Variants in LIG1 observed in about 807,000 individuals in gnomAD.
LIG1 encodes the protein DNA ligase 1.
Under a neutral mutation model 115.7 loss-of-function variants are expected in LIG1, and 70 were observed. That is an observed-to-expected ratio of 0.60 (90% CI 0.50 to 0.74). The LOEUF (loss-of-function observed/expected upper bound fraction) is 0.74. LIG1 is among the 30% of genes least tolerant of loss of function. The probability of loss-of-function intolerance (pLI) is 0.00; values close to 1 mark genes in which losing one functional copy is unlikely to be tolerated. For missense variants in LIG1, 1,115 were observed against 1,225.6 expected (o/e 0.91, Z 1.35); for synonymous variants, 487 against 495.3 (o/e 0.98, Z 0.22).
rs2033322625 is a variant in LIG1, at chr19:48,122,074, A to G, written c.2233-752T>C. ...TGCTGGAGGGAAACCAGCCACAGAC[A>G]GACATAAGTACACAGGAAGAGCTAG... On this transcript the variant is annotated intron_variant, in intron 23 of 27. Transcript: ENST00000263274. This position sits in a 1 kb window ranked among gnomAD's most constrained non-coding sequence, Gnocchi z 4.3. 1 of 152,630 alleles carries G rather than the reference A, an allele frequency of 6.6e-6. No individual in the cohort carries two copies. The allele number at this position is 152,630 out of a possible 1,614,324, so 9.5% of individuals were successfully genotyped here.
chr19:48,117,918 A>T (rs1457007012), intron 25 of LIG1, 137 bp from the exon 26 acceptor site: 1 of 852,490 alleles, frequency 1.2e-6, no homozygotes, highest in African/African-American at 1.7e-5. Context: ...GAAGTGAAAT[A>T]AGGGAAAAGA....
intron 1 of LIG1, chr19:48,165,845 T>G: frequency 3.6e-6 from 2 of 556,320 alleles, no homozygotes; most frequent in Non-Finnish European, 3.2e-6. Flanking sequence ...AGGCCTCCTT[T>G]ACCATAAGAA....
chr19:48,123,709 C>G (rs567681522), intron 21 of LIG1: 1 of 316,614 alleles, frequency 3.2e-6, no homozygotes, highest in Non-Finnish European at 6.1e-6. Context: ...CCTCCGCCTC[C>G]TGAATTCAAG....
rs754494250 is a variant in LIG1 at position 48,123,280 on chromosome 19, C to A, written c.2043G>T (p.Leu681=). The change falls in exon 22 of 28, where the codon CTG becomes CTT. Residue 681 remains leucine (L), a synonymous_variant. Coordinates refer to ENST00000263274, the MANE Select transcript of LIG1 (RefSeq NM_000234.3). ...CTGTCTCCACAAAGTTCTCCCGGAG[C>A]AGCTGCCGGCGCCGGGAAAGGGGCT... ...VREPLSRRRQ[L]LRENFVETEG... 2.5e-6 allele frequency: 4 copies of A among 1,614,046 alleles called. No homozygotes were observed. Among genetic ancestry groups the A allele is most frequent in the South Asian group, 1.1e-5 (1 of 91,082 alleles).
intron 21 of LIG1, among the ~76,000 whole-genome samples, chr19:48,123,951 A>G (rs1476404430): frequency 6.6e-6 from 1 of 152,186 alleles, no homozygotes; most frequent in Non-Finnish European, 1.5e-5. Context: ...CTTTGAAATC[A>G]GTTCCAGCTG....
chr19:48,163,708 C>T (rs541338145), intron 2 of LIG1, among the ~76,000 whole-genome samples: 1 of 152,054 alleles, frequency 6.6e-6, no homozygotes, highest in African/African-American at 2.4e-5. Context: ...CTTTGGGAGG[C>T]CGAGGTGGGC....
At chr19:48,165,734 T>G in intron 1 of LIG1, 111 bp from the exon 2 acceptor site, 1 of 853,798 alleles carries the variant, frequency 1.2e-6, no homozygotes, top group Non-Finnish European at 1.9e-6. Context: ...AAACATGAAT[T>G]TCCCCTTCAA....
At chr19:48,142,160 G>T (rs565698025) in intron 11 of LIG1, among the ~76,000 whole-genome samples, 1 of 151,918 alleles carries the variant, frequency 6.6e-6, no homozygotes, top group Non-Finnish European at 1.5e-5. Flanking sequence ...AATTAGGGCC[G>T]GGCGCGGTGG....
chr19:48,158,752 T>G (rs9304673), intron 4 of LIG1, among the ~76,000 whole-genome samples: 23,071 of 152,164 alleles, frequency 0.15, 2,215 homozygotes, highest in African/African-American at 0.28. Flanking sequence ...ACGTGGTACC[T>G]GATCAGAGAC....
At chr19:48,140,279 C>G (rs1203649608) in intron 11 of LIG1, 136 bp from the exon 12 acceptor site, 1 of 650,878 alleles carries the variant, frequency 1.5e-6, no homozygotes, top group African/African-American at 1.8e-5. Flanking sequence ...CAGTCCCAGG[C>G]TCTGGGGCCT....
At chr19:48,131,490 G>A (rs777397937) in intron 18 of LIG1, among the ~76,000 whole-genome samples, 2 of 151,730 alleles carry the variant, frequency 1.3e-5, no homozygotes, top group African/African-American at 2.4e-5. Context: ...TTTTTGAGGC[G>A]GAGTCTCGCC....
intron 21 of LIG1, 88 bp from the exon 22 acceptor site, chr19:48,123,406 G>T: frequency 6.8e-7 from 1 of 1,474,530 alleles, no homozygotes; most frequent in Non-Finnish European, 9.3e-7. Flanking sequence ...CAGGACATGT[G>T]CGGGTCACAA....
rs1368669377 is a variant in LIG1, at chr19:48,133,048, C to T, written c.1659G>A (p.Glu553=). The T allele has an allele frequency of 1.2e-6, 2 of 1,614,160 alleles. No homozygotes were observed. The highest frequency in any genetic ancestry group is 3.3e-5 in the Admixed American group (2 of 60,020). ...CTGCCTCCTCAAAGCGTTTCAGGAC[C>T]TCGCTGATGCCCCGGGTGGGATGGG... The part of the protein sequence containing the change: ...MLAHPTRGIS[E]VLKRFEEAAF... The change falls in exon 18 of 28, where the codon GAG becomes GAA. Residue 553 remains glutamate (E), a synonymous_variant. Transcript: ENST00000263274.
chr19:48,145,436 T>C (rs577379629), intron 9 of LIG1, among the ~76,000 whole-genome samples: 7 of 152,126 alleles, frequency 4.6e-5, no homozygotes, highest in Non-Finnish European at 8.8e-5. Flanking sequence ...GTGCACTTCA[T>C]GGAACAATGA....
chr19:48,161,381 A>G lies in LIG1; in HGVS notation c.234T>C (p.Ala78=). ...GGTGATGGGGACCTACCTGGCCTTT[A>G]GCAGGGCTAAGGGCTTCATCCTCCT... ...GEEEDEALSP[A]KGQKPALDCS... Residue 78 remains alanine (A), a synonymous_variant, in exon 4 of 28, where the codon GCT becomes GCC. Coordinates refer to ENST00000263274, the MANE Select transcript of LIG1 (RefSeq NM_000234.3). 3.7e-6 allele frequency: 6 copies of G among 1,614,150 alleles called. No individual in the cohort carries two copies. The highest frequency in any genetic ancestry group is 5.1e-6 in the Non-Finnish European group (6 of 1,180,030).
At chr19:48,138,305 C>T (rs1392059631) in intron 12 of LIG1, among the ~76,000 whole-genome samples, 1 of 152,214 alleles carries the variant, frequency 6.6e-6, no homozygotes, top group East Asian at 1.9e-4. Flanking sequence ...CACCTCTTTT[C>T]TGGTCTGAAA....
chr19:48,127,825 G>C, intron 20 of LIG1, 85 bp downstream of exon 20: 1 of 1,108,602 alleles, frequency 9.0e-7, no homozygotes, highest in Non-Finnish European at 1.4e-6. Context: ...TGCCCTTCTG[G>C]GCACTGGGCA....
chr19:48,126,295 C>T (rs1266059781), intron 21 of LIG1, among the ~76,000 whole-genome samples: 1 of 151,844 alleles, frequency 6.6e-6, no homozygotes, highest in Non-Finnish European at 1.5e-5. Context: ...TGTCTTGAGG[C>T]CTCTTTAACA....
intron 12 of LIG1, among the ~76,000 whole-genome samples, chr19:48,139,542 C>G (rs1314527319): frequency 6.6e-6 from 1 of 152,178 alleles, no homozygotes; most frequent in African/African-American, 2.4e-5. Context: ...GCATCACCAG[C>G]CTTTCCACCC....
Sources: allele counts gnomAD v4.1 joint callset (sites outside exome capture counted in the v4.1 genomes callset), GRCh38; gene constraint gnomAD v4.1.1; non-coding constraint Gnocchi (gnomAD v3.1); transcripts MANE v1.5; gene names NCBI Gene and HGNC (gene_info 2026-07-23, HGNC 2026-07-21).